The following NMNAT3 variants were observed in gnomAD, a reference collection of about 807,000 sequenced individuals.
NMNAT3 encodes nicotinamide nucleotide adenylyltransferase 3.
In NMNAT3, 21 loss-of-function variants were observed where a neutral mutation model predicts 24.8. The observed-to-expected ratio is 0.85, with a 90% confidence interval of 0.60 to 1.22. NMNAT3 has a LOEUF of 1.22. Ranked by LOEUF, NMNAT3 falls within the 50% of genes most tolerant of loss-of-function variation. The pLI is 0.00. For missense variants in NMNAT3, 387 were observed against 436.6 expected (o/e 0.89, Z 1.01); for synonymous variants, 136 against 155.2 (o/e 0.88, Z 0.92).
chr3:139,671,622 A>T (rs1041463389), intron 1 of NMNAT3, among the ~76,000 whole-genome samples: 4 of 151,922 alleles, frequency 2.6e-5, no homozygotes, highest in African/African-American at 9.7e-5. Flanking sequence ...TCTCTCTCAC[A>T]CACACACACA....
intron 1 of NMNAT3, among the ~76,000 whole-genome samples, chr3:139,638,354 A>G (rs2056580324): frequency 6.6e-6 from 1 of 152,180 alleles, no homozygotes; most frequent in Non-Finnish European, 1.5e-5. Flanking sequence ...GCCTCTGCCC[A>G]TACCCAACCT....
At chr3:139,564,617 T>C (rs1409952897) in intron 6 of NMNAT3, among the ~76,000 whole-genome samples, 1 of 152,198 alleles carries the variant, frequency 6.6e-6, no homozygotes, top group Non-Finnish European at 1.5e-5. Context: ...CTGCAAATCA[T>C]AGAAGTGATG....
chr3:139,597,576 CTTATTCAAT>C (rs1638455903), intron 3 of NMNAT3, among the ~76,000 whole-genome samples: 1 of 152,146 alleles, frequency 6.6e-6, no homozygotes, highest in African/African-American at 2.4e-5. Context: ...CCACAATATC[CTTATTCAAT>C]TTTCTTTGTG....
At chr3:139,579,779 GTTATT>G (rs1448766132) in intron 4 of NMNAT3, among the ~76,000 whole-genome samples, 1 of 152,192 alleles carries the variant, frequency 6.6e-6, no homozygotes, top group African/African-American at 2.4e-5. Flanking sequence ...TGACAAATAT[GTTATT>G]TTGAGACATT....
At chr3:139,583,764 G>A (rs903820848) in intron 3 of NMNAT3, among the ~76,000 whole-genome samples, 1 of 152,256 alleles carries the variant, frequency 6.6e-6, no homozygotes, top group African/African-American at 2.4e-5. Flanking sequence ...AAGTTTAACA[G>A]CTATTTCTAA....
intron 3 of NMNAT3, chr3:139,599,476 A>T (rs1164270598): frequency 1.0e-5 from 7 of 694,674 alleles, no homozygotes; most frequent in Non-Finnish European, 1.8e-5. Context: ...AATCTAAGAG[A>T]TCAGGAGCAA....
intron 2 of NMNAT3, chr3:139,636,482 C>T (rs1308633547): frequency 6.6e-6 from 1 of 152,230 alleles, no homozygotes; most frequent in Non-Finnish European, 1.5e-5. Context: ...ATGTACTTCT[C>T]CCCAAAACAG....
intron 3 of NMNAT3, chr3:139,583,414 T>A (rs1340685118): frequency 6.3e-7 from 1 of 1,583,454 alleles, no homozygotes; most frequent in Non-Finnish European, 8.7e-7. Flanking sequence ...AACCACCACA[T>A]TTGAGACATT....
intron 1 of NMNAT3, among the ~76,000 whole-genome samples, chr3:139,671,148 G>C (rs1004452927): frequency 6.6e-6 from 1 of 152,158 alleles, no homozygotes; most frequent in Non-Finnish European, 1.5e-5. Context: ...AATATAGAAA[G>C]CTTGATATAT....
chr3:139,601,644 C>T (rs1288639444), intron 3 of NMNAT3, among the ~76,000 whole-genome samples: 1 of 152,054 alleles, frequency 6.6e-6, no homozygotes, highest in Admixed American at 6.6e-5. Flanking sequence ...GAGAGTGTAC[C>T]AGCAATGTGG....
chr3:139,647,715 G>A (rs2056914797), intron 1 of NMNAT3, among the ~76,000 whole-genome samples: 2 of 152,164 alleles, frequency 1.3e-5, no homozygotes, highest in African/African-American at 2.4e-5. Context: ...GACTCAGCAA[G>A]GAACAAATTT....
At chr3:139,668,070 G>C (rs1292233288) in intron 1 of NMNAT3, among the ~76,000 whole-genome samples, 1 of 152,170 alleles carries the variant, frequency 6.6e-6, no homozygotes, top group Non-Finnish European at 1.5e-5. Flanking sequence ...GTAACGTACA[G>C]GCAAGAGGAA....
intron 3 of NMNAT3, among the ~76,000 whole-genome samples, chr3:139,593,668 C>T (rs1169882146): frequency 4.7e-5 from 7 of 149,432 alleles, no homozygotes; most frequent in South Asian, 2.1e-4. Flanking sequence ...CACTCAAAAC[C>T]GCTCAACTAC....
chr3:139,583,707 C>T (rs2053780395), intron 3 of NMNAT3: 3 of 642,890 alleles, frequency 4.7e-6, no homozygotes, highest in Non-Finnish European at 8.4e-6. Context: ...TTCTTCACTT[C>T]ATTTGAGAAA....
intron 3 of NMNAT3, among the ~76,000 whole-genome samples, chr3:139,597,079 TCTC>T (rs1298738846): frequency 6.6e-6 from 1 of 151,418 alleles, no homozygotes; most frequent in Admixed American, 6.6e-5. Flanking sequence ...TTCAAATGCT[TCTC>T]CTGGACTTTC....
chr3:139,613,765 G>T (rs1312886987), intron 3 of NMNAT3, among the ~76,000 whole-genome samples: 1 of 152,142 alleles, frequency 6.6e-6, no homozygotes, highest in Non-Finnish European at 1.5e-5. Flanking sequence ...ACTAGATTAA[G>T]AAAATGTGGC....
chr3:139,596,422 G>C (rs957174659), intron 3 of NMNAT3, among the ~76,000 whole-genome samples: 1 of 152,034 alleles, frequency 6.6e-6, no homozygotes. Context: ...AAATCAAACT[G>C]CTTTTTTTTC....
intron 4 of NMNAT3, among the ~76,000 whole-genome samples, chr3:139,581,811 C>T (rs538545849): frequency 6.6e-6 from 1 of 152,194 alleles, no homozygotes; most frequent in African/African-American, 2.4e-5. Flanking sequence ...GATGGTCTCA[C>T]GGCTGTACAC....
intron 3 of NMNAT3, among the ~76,000 whole-genome samples, chr3:139,614,859 A>T (rs2055412132): frequency 6.6e-6 from 1 of 152,240 alleles, no homozygotes; most frequent in Non-Finnish European, 1.5e-5. Context: ...TCAACCTGCT[A>T]GTATTAAGAT....
Sources: allele counts gnomAD v4.1 joint callset (sites outside exome capture counted in the v4.1 genomes callset), GRCh38; gene constraint gnomAD v4.1.1; transcripts MANE v1.5; gene names NCBI Gene and HGNC (gene_info 2026-07-23, HGNC 2026-07-21).